Variants in KCNQ3 observed in about 807,000 individuals in gnomAD.
The protein encoded by KCNQ3 is potassium voltage-gated channel subfamily KQT member 3.
Under a neutral mutation model 92.5 loss-of-function variants are expected in KCNQ3, and 30 were observed. The ratio of observed to expected loss-of-function variants is 0.32; its 90% CI spans 0.24 to 0.44. KCNQ3 has a LOEUF of 0.44. Ranked by LOEUF, KCNQ3 falls within the 20% of genes least tolerant of loss-of-function variation. The pLI is 1.00. For synonymous variants in KCNQ3, 450 were observed against 468.8 expected (o/e 0.96, Z 0.52); for missense variants, 913 against 1,140.3 (o/e 0.80, Z 2.87).
intron 1 of KCNQ3, among the ~76,000 whole-genome samples, chr8:132,329,541 G>T (rs994561623): frequency 1.3e-5 from 2 of 152,198 alleles, no homozygotes; most frequent in Non-Finnish European, 1.5e-5. Flanking sequence ...CAGAGGCCAT[G>T]CACACCTTCT....
intron 1 of KCNQ3, among the ~76,000 whole-genome samples, chr8:132,393,698 A>G (rs1423897930): frequency 6.6e-6 from 1 of 152,184 alleles, no homozygotes; most frequent in African/African-American, 2.4e-5. Context: ...TCATCCATAG[A>G]ACACCTATTA....
In KCNQ3 at chr8:132,126,125, C is replaced by T. The variant is rs940052824; in HGVS notation, c.*3137G>A. On this transcript the variant is annotated 3_prime_UTR_variant, in exon 15 of 15. Coordinates refer to ENST00000388996, the MANE Select transcript of KCNQ3 (RefSeq NM_004519.4). Reference sequence around the variant, plus strand: ...ATACATACATGAGATCATAGTTTTACCTGATAATATCACTCCTAGTTTGAT... The same window carrying T: ...ATACATACATGAGATCATAGTTTTATCTGATAATATCACTCCTAGTTTGAT... The T allele has an allele frequency of 6.6e-6, 1 of 152,164 alleles. No individual in the cohort carries two copies. The highest frequency in any genetic ancestry group is 6.5e-5 in the Admixed American group (1 of 15,278). 9.4% of individuals were successfully genotyped at this position (152,164 alleles called of 1,614,324 possible).
chr8:132,225,013 C>T (rs1275273879), intron 1 of KCNQ3, among the ~76,000 whole-genome samples: 1 of 152,126 alleles, frequency 6.6e-6, no homozygotes, highest in African/African-American at 2.4e-5. Context: ...CAGAATGATG[C>T]TACATTAATC....
intron 6 of KCNQ3, among the ~76,000 whole-genome samples, chr8:132,173,819 G>A (rs1826460914): frequency 6.6e-6 from 1 of 152,168 alleles, no homozygotes. Flanking sequence ...GACAAGAGAA[G>A]GGAACTCACA....
At chr8:132,427,077 C>T (rs2130818675) in intron 1 of KCNQ3, among the ~76,000 whole-genome samples, 1 of 152,324 alleles carries the variant, frequency 6.6e-6, no homozygotes, top group South Asian at 2.1e-4. Flanking sequence ...CATGCAGAAT[C>T]TAAATGATTG....
At chr8:132,225,335 C>T (rs1814377529) in intron 1 of KCNQ3, among the ~76,000 whole-genome samples, 1 of 152,114 alleles carries the variant, frequency 6.6e-6, no homozygotes, top group Non-Finnish European at 1.5e-5. Flanking sequence ...AGGTAGTCCA[C>T]CTGGAAAGAT....
intron 1 of KCNQ3, among the ~76,000 whole-genome samples, chr8:132,300,753 G>A (rs1817187736): frequency 6.6e-6 from 1 of 152,112 alleles, no homozygotes; most frequent in South Asian, 2.1e-4. Flanking sequence ...CTCAGGTCCT[G>A]GCCATATAAA....
In KCNQ3 at chr8:132,168,711, A is replaced by G. The variant is rs191602402; in HGVS notation, c.1235+1623T>C. On this transcript the variant is annotated intron_variant, in intron 8 of 14. Coordinates refer to ENST00000388996, the MANE Select transcript of KCNQ3 (RefSeq NM_004519.4). ...GGAGTAGAAAGAGAAATTGAGGATA[A>G]TGAATATGTGTGTGTGTGTGTGTGT... Among the ~76,000 whole-genome samples, 4 of 145,388 alleles carry G rather than the reference A, an allele frequency of 2.8e-5. No homozygotes were observed. The East Asian group carries it at 8.4e-4, about 30-fold the overall frequency.
At chr8:132,271,063 G>A (rs1391010134) in intron 1 of KCNQ3, among the ~76,000 whole-genome samples, 1 of 152,228 alleles carries the variant, frequency 6.6e-6, no homozygotes, top group African/African-American at 2.4e-5. Context: ...CCCTGATGAT[G>A]TGGAAGGCTA....
chr8:132,360,248 C>T (rs1819127881), intron 1 of KCNQ3, among the ~76,000 whole-genome samples: 1 of 152,208 alleles, frequency 6.6e-6, no homozygotes, highest in African/African-American at 2.4e-5. Context: ...GGCTTCCCAG[C>T]TGTTCTTGAA....
chr8:132,435,958 G>C (rs1821384056), intron 1 of KCNQ3, among the ~76,000 whole-genome samples: 1 of 152,166 alleles, frequency 6.6e-6, no homozygotes, highest in African/African-American at 2.4e-5. Context: ...AGCTCTGCCA[G>C]GGTTGGCCCC....
intron 8 of KCNQ3, among the ~76,000 whole-genome samples, chr8:132,165,196 G>A (rs924899954): frequency 6.6e-6 from 1 of 152,094 alleles, no homozygotes; most frequent in Non-Finnish European, 1.5e-5. Flanking sequence ...TCTGTGTCCA[G>A]TACTCCACTG....
rs975257515 is a variant in KCNQ3, at chr8:132,249,074, A to G, written c.387-62893T>C. 7.3e-4 allele frequency among the ~76,000 whole-genome samples: 111 copies of G among 152,194 alleles called. 4 individuals are homozygous for G. The highest frequency in any genetic ancestry group is 1.2e-4 in the African/African-American group (5 of 41,448). On this transcript the variant is annotated intron_variant, in intron 1 of 14. Transcript: ENST00000388996. ...GTGGGTTTGTGGTCTCGCTGGCCTC[A>G]GGAGTGAAGCTGCAGACCTTTGCGG...
chr8:132,227,529 C>A (rs1488319604), intron 1 of KCNQ3, among the ~76,000 whole-genome samples: 1 of 152,120 alleles, frequency 6.6e-6, no homozygotes, highest in Non-Finnish European at 1.5e-5. Flanking sequence ...GGACTTCCAG[C>A]CCCCAGAATT....
chr8:132,269,214 A>T (rs181043518), intron 1 of KCNQ3, among the ~76,000 whole-genome samples: 3,829 of 152,300 alleles, frequency 0.025, 55 homozygotes, highest in Non-Finnish European at 0.032. Flanking sequence ...GTTTCATTTT[A>T]ATGAAGTCCA....
intron 1 of KCNQ3, among the ~76,000 whole-genome samples, chr8:132,312,629 G>A (rs994868209): frequency 6.6e-6 from 1 of 152,148 alleles, no homozygotes; most frequent in African/African-American, 2.4e-5. Flanking sequence ...GAGAGACCTG[G>A]TAGGAGGTGA....
chr8:132,129,832 G>A lies in KCNQ3; in HGVS notation c.2049C>T (p.Ile683=). 1.2e-6 allele frequency: 2 copies of A among 1,614,202 alleles called. No individual in the cohort carries two copies. Among genetic ancestry groups the A allele is most frequent in the Non-Finnish European group, 1.7e-6 (2 of 1,180,034 alleles). The change falls in exon 15 of 15, where the codon ATC becomes ATT. Residue 683 remains isoleucine (I), a synonymous_variant. Coordinates refer to ENST00000388996, the MANE Select transcript of KCNQ3 (RefSeq NM_004519.4). This position sits in a 1 kb window ranked among gnomAD's most constrained non-coding sequence, Gnocchi z 5.9. The part of the protein sequence containing the change: ...EDNRYSDLKT[I]ICNYSETGPP... ...GGCCTGTCTCAGAATAGTTGCAGAT[G>A]ATGGTTTTCAAATCGGAATACCTGT...
At chr8:132,191,874 G>A (rs890084538) in intron 1 of KCNQ3, among the ~76,000 whole-genome samples, 6 of 152,112 alleles carry the variant, frequency 3.9e-5, no homozygotes, top group Admixed American at 1.3e-4. Context: ...CACTGGGAGG[G>A]GTCTTGGGGT....
chr8:132,363,191 T>A (rs1819219767), intron 1 of KCNQ3, among the ~76,000 whole-genome samples: 2 of 152,024 alleles, frequency 1.3e-5, no homozygotes, highest in Admixed American at 1.3e-4. Context: ...TAAGTTCAAA[T>A]TTCTGAAGAT....
Sources: allele counts gnomAD v4.1 joint callset (sites outside exome capture counted in the v4.1 genomes callset), GRCh38; gene constraint gnomAD v4.1.1; non-coding constraint Gnocchi (gnomAD v3.1); transcripts MANE v1.5; gene names NCBI Gene and HGNC (gene_info 2026-07-23, HGNC 2026-07-21).